The following LAMB4 variants were observed in gnomAD, a reference collection of about 807,000 sequenced individuals.
LAMB4 encodes the protein laminin subunit beta-4.
Under a neutral mutation model 199.2 loss-of-function variants are expected in LAMB4, and 196 were observed. The ratio of observed to expected loss-of-function variants is 0.98; its 90% CI spans 0.88 to 1.11. LAMB4 has a LOEUF of 1.11. Ranked by LOEUF, LAMB4 falls within the 50% of genes least tolerant of loss-of-function variation. The pLI, the probability that LAMB4 is intolerant of heterozygous loss-of-function variation, is 0.00. For missense variants in LAMB4, 2,080 were observed against 2,171.2 expected, an observed-to-expected ratio of 0.96 and a Z score of 0.83; for synonymous variants, 744 against 770.6, an observed-to-expected ratio of 0.97 and a Z score of 0.57.
At chr7:108,063,606 G>A (rs779030699) in intron 22 of LAMB4, among the ~76,000 whole-genome samples, 155 bp downstream of exon 22, 24 of 152,216 alleles carry the variant, frequency 1.6e-4, no homozygotes, top group Non-Finnish European at 3.5e-4. Context: ...ACTAATTTCT[G>A]TTGATGAGTT....
chr7:108,015,756 T>A, the LAMB4 span, among the ~76,000 whole-genome samples: 1 of 151,110 alleles, frequency 6.6e-6, no homozygotes, highest in East Asian at 1.9e-4. Context: ...GACTTTTTTT[T>A]TTTTTTTTTT....
chr7:108,082,970 G>A (rs2037014551), intron 14 of LAMB4, among the ~76,000 whole-genome samples: 1 of 152,232 alleles, frequency 6.6e-6, no homozygotes, highest in Non-Finnish European at 1.5e-5. Context: ...ACTTGCAGCT[G>A]TTGGGTTGGA....
intron 29 of LAMB4, among the ~76,000 whole-genome samples, chr7:108,038,853 T>C (rs1045267544): frequency 6.6e-6 from 1 of 152,140 alleles, no homozygotes; most frequent in Non-Finnish European, 1.5e-5. Context: ...AAGCTAGAGA[T>C]GAACTAGACA....
At chr7:108,053,462 G>A (rs1343753696) in intron 25 of LAMB4, among the ~76,000 whole-genome samples, 10 of 152,212 alleles carry the variant, frequency 6.6e-5, no homozygotes, top group African/African-American at 7.2e-5. Flanking sequence ...GCCCCACAGC[G>A]AGGCAATGGC....
intron 27 of LAMB4, among the ~76,000 whole-genome samples, chr7:108,048,716 T>TG (rs11448990): frequency 0.23 from 35,580 of 151,968 alleles, 10,943 homozygotes; most frequent in African/African-American, 0.71. Flanking sequence ...TTTATTGAGA[T>TG]GAGTCTCGCT....
chr7:108,063,921 G>A lies in LAMB4; in HGVS notation c.2901C>T (p.Cys967=), dbSNP rs748613568. 6.2e-7 allele frequency: 1 copy of A among 1,614,152 alleles called. No individual in the cohort carries two copies. Among genetic ancestry groups the A allele is most frequent in the East Asian group, 2.2e-5 (1 of 44,886 alleles). ...YGNPRISGAP[C]QPCACNNNID... is the part of the protein sequence containing the mutation. ...TGTTGTTGTTGCAGGCACATGGTTG[G>A]CAAGGTGCTCCTGAAATTCTTGGAT... The change falls in exon 22 of 34, where the codon TGC becomes TGT. Residue 967 remains cysteine, a synonymous_variant. Transcript: ENST00000388781.
At chr7:108,043,970 A>G in intron 28 of LAMB4, 74 bp from the exon 29 acceptor site, 1 of 1,282,078 alleles carries the variant, frequency 7.8e-7, no homozygotes, top group South Asian at 1.4e-5. Context: ...ATGTTTAATT[A>G]CTTAGCTGGA....
chr7:108,109,332 T>A, intron 4 of LAMB4, 88 bp from the exon 5 acceptor site: 4 of 968,436 alleles, frequency 4.1e-6, no homozygotes, highest in Non-Finnish European at 6.5e-6. Flanking sequence ...TTATCTGTAA[T>A]AAAATCTCTT....
chr7:108,069,646 G>T (rs1358664608), intron 18 of LAMB4, 62 bp downstream of exon 18: 3 of 1,465,844 alleles, frequency 2.0e-6, no homozygotes, highest in African/African-American at 1.4e-5. Flanking sequence ...AAATTGATTT[G>T]CTCCAAAAAG....
intron 32 of LAMB4, 48 bp from the exon 33 acceptor site, chr7:108,029,244 T>G: frequency 2.0e-6 from 3 of 1,525,744 alleles, no homozygotes; most frequent in Non-Finnish European, 1.8e-6. Context: ...ATAAAGCATG[T>G]ACATATATGC....
chr7:108,035,017 CA>C (rs2035173049), intron 30 of LAMB4, among the ~76,000 whole-genome samples: 1 of 152,074 alleles, frequency 6.6e-6, no homozygotes, highest in African/African-American at 2.4e-5. Context: ...TGAGTGTGCC[CA>C]CAGTAGAGTT....
intron 10 of LAMB4, among the ~76,000 whole-genome samples, chr7:108,102,798 G>T (rs22783): frequency 0.34 from 52,104 of 151,828 alleles, 9,392 homozygotes; most frequent in Non-Finnish European, 0.4. Flanking sequence ...GATACTCAAG[G>T]CGTCTGCCTC....
intron 32 of LAMB4, among the ~76,000 whole-genome samples, chr7:108,029,553 C>T (rs909674543): frequency 3.9e-5 from 6 of 152,206 alleles, no homozygotes; most frequent in African/African-American, 7.2e-5. Flanking sequence ...TGGTTCAGTT[C>T]GGTCAATCAG....
intron 9 of LAMB4, 96 bp from the exon 10 acceptor site, chr7:108,103,328 G>T: frequency 1.0e-6 from 1 of 985,200 alleles, no homozygotes; most frequent in Non-Finnish European, 1.4e-6. Flanking sequence ...AGTCCTCCTT[G>T]TCCTCCTGCC....
intron 14 of LAMB4, among the ~76,000 whole-genome samples, chr7:108,080,054 C>T (rs1259393981): frequency 2.6e-5 from 4 of 152,106 alleles, no homozygotes; most frequent in Admixed American, 2.0e-4. Flanking sequence ...TTTAAGTACC[C>T]CCTGTGCTAA....
At chr7:108,089,261 C>A (rs1286613542) in intron 14 of LAMB4, among the ~76,000 whole-genome samples, 3 of 152,104 alleles carry the variant, frequency 2.0e-5, no homozygotes, top group Admixed American at 1.3e-4. Context: ...AGGGGCCCAG[C>A]ATGACAGAAG....
chr7:108,061,550 C>G (rs1319119171), intron 23 of LAMB4, among the ~76,000 whole-genome samples: 3 of 151,860 alleles, frequency 2.0e-5, no homozygotes, highest in Non-Finnish European at 4.4e-5. Context: ...ACCAGCCTGG[C>G]CAACATGGTG....
intron 31 of LAMB4, among the ~76,000 whole-genome samples, chr7:108,032,057 C>G (rs2035057391): frequency 6.6e-6 from 1 of 151,856 alleles, no homozygotes; most frequent in Non-Finnish European, 1.5e-5. Context: ...CTGTTGTGTC[C>G]TGATTTTGTT....
rs758129130 is a variant in LAMB4, at chr7:108,079,688, C to G, written c.1800G>C (p.Arg600Ser). 6 of 1,613,000 alleles carry G rather than the reference C, an allele frequency of 3.7e-6. No individual in the cohort carries two copies. In the South Asian group the frequency reaches 6.6e-5, roughly 18 times the overall value. Residue 600 changes from arginine to serine, a missense_variant, in exon 15 of 34, where the codon AGG becomes AGC. Transcript: ENST00000388781. ...PVTWTGPGFA[R>S]VLPGAGLRFA... ...ATCTCAAGCCAGCCCCAGGGAGAAC[C>G]CTGGCAAATCCAGGTCCAGTCCATG... is the stretch of plus-strand genomic sequence containing the variant.
Sources: allele counts gnomAD v4.1 joint callset (sites outside exome capture counted in the v4.1 genomes callset), GRCh38; gene constraint gnomAD v4.1.1; transcripts MANE v1.5; gene names NCBI Gene and HGNC (gene_info 2026-07-23, HGNC 2026-07-21).